The following ACTL8 variants were observed in gnomAD, a reference collection of about 807,000 sequenced individuals.
ACTL8 encodes actin like 8.
ACTL8 carries 3 observed loss-of-function variants against 9.3 expected under a neutral mutation model. The ratio of observed to expected loss-of-function variants is 0.32; its 90% confidence interval spans 0.15 to 0.83. The LOEUF (loss-of-function observed/expected upper bound fraction) is 0.83. Among genes scored for constraint, ACTL8 ranks in the 40% least tolerant of loss-of-function variants. The pLI is 0.57. For synonymous variants in ACTL8, 224 were observed against 205.9 expected (o/e 1.09, Z -0.75); for missense variants, 381 against 492.2 (o/e 0.77, Z 2.14).
intron 1 of ACTL8, 82 bp from the exon 2 acceptor site, chr1:17,822,903 G>A: frequency 3.3e-6 from 3 of 922,006 alleles, no homozygotes; most frequent in South Asian, 3.3e-5. Context: ...GGAGCCTGAG[G>A]TTTGACTGTT....
chr1:17,768,346 C>T (rs2066060741), intron 1 of ACTL8, among the ~76,000 whole-genome samples: 1 of 152,120 alleles, frequency 6.6e-6, no homozygotes, highest in Non-Finnish European at 1.5e-5. Flanking sequence ...CGAGGCCTGG[C>T]CTGGCAGTGT....
At chr1:17,774,993 G>A (rs924306109) in intron 1 of ACTL8, among the ~76,000 whole-genome samples, 13 of 152,166 alleles carry the variant, frequency 8.5e-5, no homozygotes, top group Admixed American at 6.5e-5. Context: ...TGGAATCTAG[G>A]TGAGGAGAGA....
chr1:17,793,849 A>G (rs1478868129), intron 1 of ACTL8, among the ~76,000 whole-genome samples: 1 of 152,008 alleles, frequency 6.6e-6, no homozygotes, highest in South Asian at 2.1e-4. Context: ...TGTGTAGAAT[A>G]TGTGTGGGGA....
chr1:17,796,003 T>C (rs1285954851), intron 1 of ACTL8, among the ~76,000 whole-genome samples: 12 of 152,232 alleles, frequency 7.9e-5, no homozygotes, highest in South Asian at 2.1e-4. Context: ...CCCTGGGGCC[T>C]TTAAAAGCTG....
intron 1 of ACTL8, among the ~76,000 whole-genome samples, chr1:17,776,297 A>G (rs1348132647): frequency 1.3e-5 from 2 of 152,178 alleles, no homozygotes; most frequent in African/African-American, 4.8e-5. Flanking sequence ...CCTAGAAGAC[A>G]GTCAGATCAT....
At chr1:17,812,579 G>A (rs1248600981) in intron 1 of ACTL8, among the ~76,000 whole-genome samples, 2 of 149,574 alleles carry the variant, frequency 1.3e-5, no homozygotes, top group Non-Finnish European at 3.0e-5. Flanking sequence ...ACAGGCGTAC[G>A]CCACCACGCC....
intron 1 of ACTL8, among the ~76,000 whole-genome samples, chr1:17,782,546 T>C (rs913881623): frequency 2.6e-5 from 4 of 152,190 alleles, no homozygotes; most frequent in African/African-American, 9.7e-5. Context: ...CTGTATTTTA[T>C]TTGACATGAA....
chr1:17,802,235 G>A (rs2066326876), intron 1 of ACTL8, among the ~76,000 whole-genome samples: 1 of 152,076 alleles, frequency 6.6e-6, no homozygotes, highest in Non-Finnish European at 1.5e-5. Flanking sequence ...TCCTTCTGTC[G>A]ACAGCACTAC....
At chr1:17,784,254 C>T (rs1262803251) in intron 1 of ACTL8, among the ~76,000 whole-genome samples, 1 of 152,104 alleles carries the variant, frequency 6.6e-6, no homozygotes, top group Non-Finnish European at 1.5e-5. Flanking sequence ...TTGCTACATG[C>T]TTTTAAACAA....
chr1:17,783,765 T>G (rs1456762462), intron 1 of ACTL8, among the ~76,000 whole-genome samples: 1 of 152,264 alleles, frequency 6.6e-6, no homozygotes, highest in Non-Finnish European at 1.5e-5. Flanking sequence ...TGGGGAAAGC[T>G]TCTCTTAAGC....
At chr1:17,783,389 C>G (rs1459174706) in intron 1 of ACTL8, among the ~76,000 whole-genome samples, 3 of 150,758 alleles carry the variant, frequency 2.0e-5, no homozygotes, top group African/African-American at 4.9e-5. Flanking sequence ...GCCTGTGACC[C>G]TAACTAGTCC....
At chr1:17,799,999 G>C (rs2066308851) in intron 1 of ACTL8, among the ~76,000 whole-genome samples, 2 of 151,992 alleles carry the variant, frequency 1.3e-5, no homozygotes, top group African/African-American at 4.8e-5. Context: ...TGTACCTCTG[G>C]GACATCTCTT....
intron 1 of ACTL8, among the ~76,000 whole-genome samples, chr1:17,806,908 A>C (rs1391209402): frequency 6.6e-6 from 1 of 152,190 alleles, no homozygotes; most frequent in African/African-American, 2.4e-5. Flanking sequence ...GAAGCACGGG[A>C]TGCGTCCCAC....
chr1:17,767,680 TTTA>T lies in ACTL8; in HGVS notation c.-25+12185_-25+12187del, dbSNP rs1233041662. On this transcript the variant is annotated intron_variant, in intron 1 of 2. Coordinates refer to ENST00000375406, the MANE Select transcript of ACTL8 (RefSeq NM_030812.3). This position sits in a 1 kb window ranked among gnomAD's most constrained non-coding sequence, Gnocchi z 4.7. ...CACCATGTTTATCCTCCATAGGTGC[TTTA>T]TTATTATTTTTGGCATCTGCAGAAA... 2.0e-5 allele frequency among the ~76,000 whole-genome samples: 3 copies of T among 152,196 alleles called. No individual in the cohort carries two copies. The highest frequency in any genetic ancestry group is 2.9e-5 in the Non-Finnish European group (2 of 68,032).
chr1:17,819,203 A>G lies in ACTL8; in HGVS notation c.-24-3782A>G, dbSNP rs543250998. Among the ~76,000 whole-genome samples the G allele has an allele frequency of 9.3e-4, 141 of 152,310 alleles. 1 individual carries two copies. In the Middle Eastern group the frequency reaches 0.01, roughly 11 times the overall value. Reference sequence around the variant, plus strand: ...ATGACACCACATGCCAGGGCCGAGAAGCATTTATCAGTCACCTGCTCTCAG... The same window carrying G: ...ATGACACCACATGCCAGGGCCGAGAGGCATTTATCAGTCACCTGCTCTCAG... On this transcript the variant is annotated intron_variant, in intron 1 of 2. Coordinates refer to ENST00000375406, the MANE Select transcript of ACTL8 (RefSeq NM_030812.3).
intron 1 of ACTL8, among the ~76,000 whole-genome samples, chr1:17,799,247 G>A (rs988972587): frequency 1.3e-5 from 2 of 152,184 alleles, no homozygotes; most frequent in African/African-American, 2.4e-5. Flanking sequence ...CACCAGCGGG[G>A]TTGGGAGCTT....
intron 1 of ACTL8, among the ~76,000 whole-genome samples, chr1:17,822,429 C>A (rs1410060873): frequency 6.6e-6 from 1 of 152,174 alleles, no homozygotes; most frequent in African/African-American, 2.4e-5. Context: ...CAAAGCATTC[C>A]TTGTAGTACT....
intron 1 of ACTL8, among the ~76,000 whole-genome samples, chr1:17,820,892 C>T (rs1232961587): frequency 6.6e-6 from 1 of 152,162 alleles, no homozygotes; most frequent in African/African-American, 2.4e-5. Context: ...GTGCTGGTGT[C>T]ATTTGCCATT....
intron 1 of ACTL8, among the ~76,000 whole-genome samples, chr1:17,820,091 G>A (rs2124192048): frequency 6.6e-6 from 1 of 152,238 alleles, no homozygotes; most frequent in African/African-American, 2.4e-5. Context: ...ACAGAAGTGT[G>A]CCCAGCTCCA....
Sources: gnomAD v4.1 joint callset for allele counts (sites outside exome capture counted in the v4.1 genomes callset) on GRCh38, gnomAD v4.1.1 for gene constraint, Gnocchi (gnomAD v3.1) non-coding constraint, MANE v1.5 for transcripts, NCBI Gene and HGNC (gene_info 2026-07-23, HGNC 2026-07-21) for gene names.